EYS: variants seen among roughly 807,000 people sequenced by gnomAD.
The protein encoded by EYS is protein eyes shut homolog.
In EYS, 250 loss-of-function variants were observed where a neutral mutation model predicts 282.1. The observed-to-expected ratio is 0.89, with a 90% CI of 0.80 to 0.98. The LOEUF (loss-of-function observed/expected upper bound fraction) is 0.98, where lower values mean the gene tolerates loss of function less well. Ranked by LOEUF, EYS falls within the 50% of genes least tolerant of loss-of-function variation. EYS has a pLI of 0.00. For synonymous variants in EYS, 1,355 were observed against 1,282.9 expected, an observed-to-expected ratio of 1.06 and a Z score of -1.20; for missense variants, 4,016 against 3,709.0, an observed-to-expected ratio of 1.08 and a Z score of -2.15.
intron 19 of EYS, among the ~76,000 whole-genome samples, chr6:64,877,090 A>G (rs1215387090): frequency 6.6e-6 from 1 of 152,166 alleles, no homozygotes; most frequent in Non-Finnish European, 1.5e-5. Flanking sequence ...ATTGCAATAT[A>G]GGTTGTGAAA....
At chr6:63,783,006 T>A (rs713321) in intron 39 of EYS, among the ~76,000 whole-genome samples, 12 of 152,060 alleles carry the variant, frequency 7.9e-5, no homozygotes, top group African/African-American at 2.9e-4. Flanking sequence ...CTGATTACAT[T>A]TTCCCATATG....
chr6:64,672,874 C>G (rs1420041726), intron 22 of EYS, among the ~76,000 whole-genome samples: 1 of 152,118 alleles, frequency 6.6e-6, no homozygotes, highest in Non-Finnish European at 1.5e-5. Context: ...CTACTCCTAC[C>G]CTATAACCCT....
At chr6:64,938,522 G>A (rs965064659) in intron 15 of EYS, among the ~76,000 whole-genome samples, 3 of 151,562 alleles carry the variant, frequency 2.0e-5, no homozygotes, top group Admixed American at 6.6e-5. Flanking sequence ...CTGGTTTGAC[G>A]TGATGTCTTG....
chr6:63,872,360 G>T (rs1312159745), intron 35 of EYS, among the ~76,000 whole-genome samples: 1 of 151,716 alleles, frequency 6.6e-6, no homozygotes, highest in Non-Finnish European at 1.5e-5. Flanking sequence ...GTGTAAGTGT[G>T]CATGTGTGTG....
chr6:63,720,816 G>A lies in EYS; in HGVS notation c.9215C>T (p.Pro3072Leu). ...NSLILSEDID[P>L]HKNFVALNYD... The stretch of plus-strand genomic sequence containing the variant: ...GTTTAGAGCCACAAAGTTTTTATGT[G>A]GATCAATATCCTCGGAAAGAATTAG... The change falls in exon 43 of 43, where the codon CCA becomes CTA. Residue 3072 changes from proline (P) to leucine (L), a missense_variant. Coordinates refer to ENST00000503581, the MANE Select transcript of EYS (RefSeq NM_001142800.2). 1.3e-6 allele frequency: 2 copies of A among 1,551,034 alleles called. No individual in the cohort carries two copies. The highest frequency in any genetic ancestry group is 1.7e-6 in the Non-Finnish European group (2 of 1,146,604).
chr6:64,969,316 CA>C (rs1365850936), intron 14 of EYS, among the ~76,000 whole-genome samples: 2 of 152,112 alleles, frequency 1.3e-5, no homozygotes, highest in African/African-American at 2.4e-5. Context: ...GGGACTGGAT[CA>C]GGATACCAGA....
At chr6:64,394,230 C>T (rs544995985) in intron 28 of EYS, among the ~76,000 whole-genome samples, 2 of 152,274 alleles carry the variant, frequency 1.3e-5, no homozygotes, top group South Asian at 2.1e-4. Flanking sequence ...AGATTCATTG[C>T]CATCCCCATC....
intron 41 of EYS, among the ~76,000 whole-genome samples, chr6:63,745,640 A>C (rs1220189922): frequency 6.6e-6 from 1 of 152,238 alleles, no homozygotes; most frequent in Non-Finnish European, 1.5e-5. Context: ...AATTTTAAAG[A>C]ATGTACTTCA....
intron 35 of EYS, among the ~76,000 whole-genome samples, chr6:63,922,264 G>GA (rs1252112695): frequency 1.3e-5 from 2 of 152,154 alleles, no homozygotes; most frequent in Non-Finnish European, 2.9e-5. Flanking sequence ...TAACAACTTT[G>GA]AAAATTTTTC....
At chr6:65,145,234 T>C (rs1381541908) in intron 12 of EYS, among the ~76,000 whole-genome samples, 1 of 152,108 alleles carries the variant, frequency 6.6e-6, no homozygotes, top group Non-Finnish European at 1.5e-5. Context: ...GATATTAATA[T>C]TTAAAAAACA....
At chr6:64,681,817 C>T (rs970919057) in intron 22 of EYS, among the ~76,000 whole-genome samples, 3 of 152,098 alleles carry the variant, frequency 2.0e-5, no homozygotes, top group Non-Finnish European at 4.4e-5. Context: ...TTACGTGCTA[C>T]GGGAAGAGTA....
At chr6:64,186,927 C>T (rs1764963836) in intron 31 of EYS, among the ~76,000 whole-genome samples, 2 of 152,086 alleles carry the variant, frequency 1.3e-5, no homozygotes, top group African/African-American at 4.8e-5. Flanking sequence ...GTTTTCTTAT[C>T]CCCGCTCCGA....
At chr6:64,650,466 A>G (rs1348057339) in intron 22 of EYS, among the ~76,000 whole-genome samples, 1 of 152,066 alleles carries the variant, frequency 6.6e-6, no homozygotes, top group South Asian at 2.1e-4. Flanking sequence ...AATAACATTA[A>G]TTACATGAAA....
chr6:64,329,914 T>C (rs1770577477), intron 29 of EYS, among the ~76,000 whole-genome samples: 1 of 152,132 alleles, frequency 6.6e-6, no homozygotes, highest in African/African-American at 2.4e-5. Context: ...AAGGATGCAT[T>C]CTTCTGCATC....
At chr6:64,913,094 A>G (rs1768051544) in intron 15 of EYS, among the ~76,000 whole-genome samples, 1 of 152,130 alleles carries the variant, frequency 6.6e-6, no homozygotes, top group Non-Finnish European at 1.5e-5. Context: ...TGAGATCACT[A>G]TTTATAAGCC....
chr6:64,791,730 A>C (rs968512087), intron 22 of EYS, among the ~76,000 whole-genome samples: 1 of 151,894 alleles, frequency 6.6e-6, no homozygotes. Flanking sequence ...ATTGATTTAA[A>C]TACCTGATTC....
intron 11 of EYS, among the ~76,000 whole-genome samples, chr6:65,324,888 A>G (rs1437640506): frequency 6.6e-6 from 1 of 152,234 alleles, no homozygotes; most frequent in Middle Eastern, 3.2e-3. Context: ...TTTTTGAAAG[A>G]GCTAGATACT....
chr6:64,091,573 G>A (rs765847380), intron 31 of EYS, among the ~76,000 whole-genome samples: 12 of 152,246 alleles, frequency 7.9e-5, no homozygotes, highest in South Asian at 2.1e-4. Context: ...AAGCTGCTGC[G>A]TGCTATGACC....
chr6:65,503,624 T>G (rs1766540853), intron 2 of EYS, among the ~76,000 whole-genome samples: 1 of 151,704 alleles, frequency 6.6e-6, no homozygotes, highest in Admixed American at 6.6e-5. Context: ...CAAATTTTTG[T>G]GAAGAGTGTA....
Sources: gnomAD v4.1 joint callset for allele counts (sites outside exome capture counted in the v4.1 genomes callset) on GRCh38, gnomAD v4.1.1 for gene constraint, MANE v1.5 for transcripts, NCBI Gene and HGNC (gene_info 2026-07-23, HGNC 2026-07-21) for gene names.